The following EVL variants were observed in gnomAD, a reference collection of about 807,000 sequenced individuals.
EVL encodes Enah/Vasp-like, also known as ena/VASP-like protein.
EVL carries 21 observed loss-of-function variants against 59.6 expected under a neutral mutation model. The ratio of observed to expected loss-of-function variants is 0.35; its 90% CI spans 0.25 to 0.51. The LOEUF (loss-of-function observed/expected upper bound fraction) is 0.51. Ranked by LOEUF, EVL falls within the 20% of genes least tolerant of loss-of-function variation. The pLI, the probability that EVL is intolerant of heterozygous loss-of-function variation, is 0.97. For synonymous variants in EVL, 198 were observed against 203.5 expected, an observed-to-expected ratio of 0.97 and a Z score of 0.23; for missense variants, 462 against 546.6, an observed-to-expected ratio of 0.85 and a Z score of 1.54.
intron 1 of EVL, among the ~76,000 whole-genome samples, chr14:100,030,360 C>T (rs746131353): frequency 6.6e-6 from 1 of 152,126 alleles, no homozygotes; most frequent in African/African-American, 2.4e-5. Flanking sequence ...CCTCAGCCTC[C>T]CAAAGGGTTG....
intron 3 of EVL, among the ~76,000 whole-genome samples, chr14:100,120,052 G>T (rs1360083008): frequency 3.3e-5 from 5 of 152,206 alleles, no homozygotes; most frequent in African/African-American, 1.2e-4. Context: ...TGAGAAAAAG[G>T]CTGGGTCAGC....
chr14:100,141,780 G>C lies in EVL; in HGVS notation c.1206G>C (p.Glu402Asp). 1 of 1,613,376 alleles carries C rather than the reference G, an allele frequency of 6.2e-7. No individual in the cohort carries two copies. Among genetic ancestry groups the C allele is most frequent in the Non-Finnish European group, 8.5e-7 (1 of 1,179,958 alleles). The change falls in exon 13 of 14, where the codon GAG (glutamate) becomes GAC (aspartate). Residue 402 changes from glutamate (E) to aspartate (D), a missense_variant. Coordinates refer to ENST00000392920, the MANE Select transcript of EVL (RefSeq NM_016337.3). ...EVVRELHKVK[E>D]EIIDAIRQEL... ...TGAGAGAGCTCCACAAGGTGAAGGA[G>C]GAGATCATCGACGGTGAGTGCAGCC...
At chr14:100,141,993 G>A (rs1889200626) in intron 13 of EVL, 200 bp downstream of exon 13, 3 of 479,768 alleles carry the variant, frequency 6.3e-6, no homozygotes, top group East Asian at 6.6e-5. Flanking sequence ...CTAAGAATTT[G>A]TAGCTCCCTG....
intron 1 of EVL, among the ~76,000 whole-genome samples, chr14:100,075,144 C>G (rs910188254): frequency 1.4e-4 from 21 of 152,188 alleles, no homozygotes; most frequent in Admixed American, 1.3e-4. Flanking sequence ...CCTATGTTAC[C>G]AGAGCCAAGC....
chr14:100,037,335 T>G (rs956501571), intron 1 of EVL, among the ~76,000 whole-genome samples: 1 of 152,204 alleles, frequency 6.6e-6, no homozygotes, highest in African/African-American at 2.4e-5. Context: ...ATTAAAGGAA[T>G]CACTTCCAGG....
chr14:99,981,020 A>G (rs1439258714), intron 1 of EVL, among the ~76,000 whole-genome samples: 1 of 151,392 alleles, frequency 6.6e-6, no homozygotes, highest in Admixed American at 6.6e-5. Flanking sequence ...GGATGGCTTG[A>G]GGCCAAAAGT....
At chr14:100,000,876 T>G (rs1043069858) in intron 1 of EVL, among the ~76,000 whole-genome samples, 1 of 152,232 alleles carries the variant, frequency 6.6e-6, no homozygotes, top group African/African-American at 2.4e-5. Context: ...GAAAGCATTT[T>G]AGAAGAAAAT....
At chr14:100,086,083 C>T (rs2062436674) in intron 2 of EVL, among the ~76,000 whole-genome samples, 1 of 152,150 alleles carries the variant, frequency 6.6e-6, no homozygotes, top group African/African-American at 2.4e-5. Flanking sequence ...GAGCCGAGAT[C>T]GCACCACGGC....
chr14:100,130,497 T>C lies in EVL; in HGVS notation c.839+813T>C, dbSNP rs1461585177. ...GAGGAAGCTGCAGCGGGGGCCCTGC[T>C]CCCTTGGTAACCCCACCTCCACCCC... On this transcript the variant is annotated intron_variant, in intron 7 of 13. Transcript: ENST00000392920. The surrounding 1 kb of genome is among the most constrained non-coding windows in gnomAD (Gnocchi z 4.8). Among the ~76,000 whole-genome samples, 1 of 152,188 alleles carries C rather than the reference T, an allele frequency of 6.6e-6. No homozygotes were observed. The highest frequency in any genetic ancestry group is 2.4e-5 in the African/African-American group (1 of 41,454).
chr14:99,971,674 G>C (rs965353027), exon 1 of EVL: 8 of 150,130 alleles, frequency 5.3e-5, no homozygotes, highest in African/African-American at 1.9e-4. Context: ...GCCAGGGGCC[G>C]CCGCCCCGAG....
At chr14:100,004,676 A>G (rs1005735489) in intron 1 of EVL, among the ~76,000 whole-genome samples, 3 of 152,168 alleles carry the variant, frequency 2.0e-5, no homozygotes, top group African/African-American at 4.8e-5. Flanking sequence ...TGCACTTACC[A>G]TTCAAGATTG....
intron 1 of EVL, among the ~76,000 whole-genome samples, chr14:100,043,680 A>G (rs2061503693): frequency 6.7e-6 from 1 of 148,580 alleles, no homozygotes; most frequent in East Asian, 2.0e-4. Context: ...TGGCACAATC[A>G]TGGCACACTG....
intron 1 of EVL, among the ~76,000 whole-genome samples, chr14:100,059,726 G>T (rs114171962): frequency 0.013 from 1,925 of 151,944 alleles, 51 homozygotes; most frequent in African/African-American, 0.044. Context: ...TGAGTCAGAT[G>T]GGGGGGTGGT....
At chr14:100,113,623 C>T (rs1462156825) in intron 3 of EVL, among the ~76,000 whole-genome samples, 2 of 152,110 alleles carry the variant, frequency 1.3e-5, no homozygotes, top group Non-Finnish European at 2.9e-5. Context: ...GCTTCAGATG[C>T]CCCCACAAGG....
rs549812536 is a variant in EVL, at chr14:100,107,303, G to A, written c.358+9645G>A. On this transcript the variant is annotated intron_variant, in intron 3 of 13. Coordinates refer to ENST00000392920, the MANE Select transcript of EVL (RefSeq NM_016337.3). ...CAAGCTGATGGCACTCGACCACATA[G>A]TGGGAGTGAATTTTAAAGAAAATCC... 9 of 398,668 alleles carry A rather than the reference G, an allele frequency of 2.3e-5. No homozygotes were observed. In the South Asian group the frequency reaches 8.9e-4, roughly 39 times the overall value. The allele number at this position is 398,668 out of a possible 1,614,324, so 24.7% of individuals were successfully genotyped here.
chr14:100,123,974 A>G (rs2140368743), intron 4 of EVL, among the ~76,000 whole-genome samples: 1 of 152,304 alleles, frequency 6.6e-6, no homozygotes, highest in South Asian at 2.1e-4. Flanking sequence ...CTGTTGGGGC[A>G]GTCACGCCCA....
chr14:100,128,407 C>A, intron 5 of EVL, 112 bp from the exon 6 acceptor site: 1 of 1,103,440 alleles, frequency 9.1e-7, no homozygotes, highest in Non-Finnish European at 1.4e-6. Flanking sequence ...TTTCTCATCC[C>A]TTTGGGGAGC....
chr14:100,002,655 A>AT (rs1413306859), intron 1 of EVL, among the ~76,000 whole-genome samples: 2 of 152,262 alleles, frequency 1.3e-5, no homozygotes, highest in Non-Finnish European at 2.9e-5. Flanking sequence ...ATCTTAAAAG[A>AT]TTAATTAGGT....
Position 100,132,755 on chromosome 14 carries a change from G to C in EVL, c.876G>C (p.Glu292Asp). 1 of 1,614,130 alleles carries C rather than the reference G, an allele frequency of 6.2e-7. No homozygotes were observed. Among genetic ancestry groups the C allele is most frequent in the Non-Finnish European group, 8.5e-7 (1 of 1,179,994 alleles). Reference sequence around the variant, plus strand: ...CCTCCCAGTCAGACAAGCCAGCCGAGAAGAAGGAAGATGAAAGCCAAATGG... The same window carrying C: ...CCTCCCAGTCAGACAAGCCAGCCGACAAGAAGGAAGATGAAAGCCAAATGG... ...KAASQSDKPA[E>D]KKEDESQMED... Residue 292 changes from glutamate (E) to aspartate (D), a missense_variant, in exon 8 of 14, where the codon GAG becomes GAC. Physicochemically the swap from Glu to Asp is conservative, Grantham distance 45. Transcript: ENST00000392920.
Sources: gnomAD v4.1 joint callset for allele counts (sites outside exome capture counted in the v4.1 genomes callset) on GRCh38, gnomAD v4.1.1 for gene constraint, Gnocchi (gnomAD v3.1) non-coding constraint, MANE v1.5 for transcripts, NCBI Gene and HGNC (gene_info 2026-07-23, HGNC 2026-07-21) for gene names.